PKD1L1: variants seen among roughly 807,000 people sequenced by gnomAD.
PKD1L1 encodes polycystin 1 like 1, transient receptor potential channel interacting.
In PKD1L1, 236 loss-of-function variants were observed where a neutral mutation model predicts 323.4. The observed-to-expected ratio is 0.73, with a 90% confidence interval of 0.66 to 0.81. PKD1L1 has a LOEUF of 0.81. Ranked by LOEUF, PKD1L1 falls within the 40% of genes least tolerant of loss-of-function variation. The pLI, the probability that PKD1L1 is intolerant of heterozygous loss-of-function variation, is 0.00. For synonymous variants in PKD1L1, 1,344 were observed against 1,335.0 expected (o/e 1.01, Z -0.15); for missense variants, 3,320 against 3,508.0 (o/e 0.95, Z 1.35).
At chr7:47,911,038 G>A (rs752846240) in intron 8 of PKD1L1, among the ~76,000 whole-genome samples, 19 of 152,156 alleles carry the variant, frequency 1.2e-4, no homozygotes, top group Middle Eastern at 3.4e-3. Context: ...GATATAGTTC[G>A]GATGTTTACC....
chr7:47,837,309 G>A (rs1000827472), intron 36 of PKD1L1, among the ~76,000 whole-genome samples: 4 of 152,168 alleles, frequency 2.6e-5, no homozygotes, highest in Non-Finnish European at 5.9e-5. Context: ...GGTTAGCTGG[G>A]TACTAGGTGG....
intron 24 of PKD1L1, among the ~76,000 whole-genome samples, chr7:47,866,841 A>T (rs558384987): frequency 1.4e-3 from 216 of 152,344 alleles, no homozygotes; most frequent in African/African-American, 4.8e-3. Flanking sequence ...GAACTAAAAA[A>T]GGCACAAGAA....
chr7:47,786,790 G>A (rs774486732), intron 56 of PKD1L1, among the ~76,000 whole-genome samples: 1 of 152,212 alleles, frequency 6.6e-6, no homozygotes, highest in African/African-American at 2.4e-5. Flanking sequence ...GCAAGAGCTC[G>A]GAGGTCCTTC....
In PKD1L1 at chr7:47,922,403, C is replaced by T. The variant is rs553614185; in HGVS notation, c.1060+6801G>A. Among the ~76,000 whole-genome samples, 205 of 152,044 alleles carry T rather than the reference C, an allele frequency of 1.3e-3. 1 individual carries two copies. Among genetic ancestry groups the T allele is most frequent in the African/African-American group, 4.7e-3 (195 of 41,486 alleles). ...CTGGGATGTGAGGAGCCCCTCTGCC[C>T]GCCACCCAGTCTGGGAAGTGAGGAG... is the stretch of plus-strand genomic sequence containing the variant. On this transcript the variant is annotated intron_variant, in intron 7 of 56. Coordinates refer to ENST00000289672, the MANE Select transcript of PKD1L1 (RefSeq NM_138295.5).
In PKD1L1 at chr7:47,830,042, T is replaced by C. The variant is rs1410865331; in HGVS notation, c.6556A>G (p.Met2186Val). 1 of 1,613,860 alleles carries C rather than the reference T, an allele frequency of 6.2e-7. No individual in the cohort carries two copies. The part of the protein sequence containing the change: ...VCCIFITQPL[M>V]VCLMALGFAW... ...CTACCATGGAGGGTGTTTCTTACCA[T>C]AAGTGGCTGGGTGATGAAAATACAG... Residue 2186 changes from methionine to valine, a missense_variant and splice_region_variant, in exon 43 of 57, where the codon ATG becomes GTG. Met to Val is a conservative substitution (Grantham distance 21, BLOSUM62 1). Transcript: ENST00000289672.
At chr7:47,957,692 T>G in the PKD1L1 span, among the ~76,000 whole-genome samples, 3 of 151,866 alleles carry the variant, frequency 2.0e-5, no homozygotes, top group Non-Finnish European at 2.9e-5. Context: ...GAAAGGGTTT[T>G]GCCATGTTGC....
At chr7:47,881,350 A>T (rs1159350146) in intron 20 of PKD1L1, among the ~76,000 whole-genome samples, 2 of 152,166 alleles carry the variant, frequency 1.3e-5, no homozygotes, top group South Asian at 4.1e-4. Context: ...CTAAAATTAC[A>T]ATCTTACAAT....
At chr7:47,937,028 T>G (rs1418785802) in intron 3 of PKD1L1, 70 bp from the exon 4 acceptor site, 5 of 1,220,576 alleles carry the variant, frequency 4.1e-6, no homozygotes, top group Non-Finnish European at 4.8e-6. Flanking sequence ...GGGAAAGTAA[T>G]ATTACTTCAT....
chr7:47,799,696 C>A (rs187984251), intron 54 of PKD1L1, among the ~76,000 whole-genome samples: 125 of 152,252 alleles, frequency 8.2e-4, no homozygotes, highest in African/African-American at 3.0e-3. Context: ...TAACGCTGAA[C>A]GAGTCACAGT....
chr7:47,882,821 T>G (rs1056659993), intron 19 of PKD1L1, among the ~76,000 whole-genome samples: 2 of 151,770 alleles, frequency 1.3e-5, no homozygotes, highest in African/African-American at 4.8e-5. Flanking sequence ...GTCAGGAGAG[T>G]AACAACAGCC....
At chr7:47,913,566 T>C (rs111841705) in intron 8 of PKD1L1, among the ~76,000 whole-genome samples, 5,969 of 152,174 alleles carry the variant, frequency 0.039, 166 homozygotes, top group Middle Eastern at 0.061. Context: ...TGAGTTCTCA[T>C]GAGATCTGGT....
intron 14 of PKD1L1, 57 bp from the exon 15 acceptor site, chr7:47,894,116 G>A: frequency 1.4e-6 from 2 of 1,442,438 alleles, no homozygotes; most frequent in Admixed American, 2.4e-5. Flanking sequence ...GGGACTCACT[G>A]GAGAAACACA....
At chr7:47,813,035 C>T in intron 49 of PKD1L1, 86 bp downstream of exon 49, 2 of 1,505,456 alleles carry the variant, frequency 1.3e-6, no homozygotes, top group Admixed American at 2.0e-5. Context: ...GCTGCACCTG[C>T]TGCAGATGCG....
At position 47,890,538 on chromosome 7, in the gene PKD1L1, G is replaced by A. The variant is rs143005953; in HGVS notation, c.2675+4C>T. On this transcript the variant is annotated splice_donor_region_variant and intron_variant, in intron 16 of 56. Coordinates refer to ENST00000289672, the MANE Select transcript of PKD1L1 (RefSeq NM_138295.5). ...TGAGCTGTGCTGAATACAGGGTCAG[G>A]TACCTGAACGCCGAGTCAGGGTAGG... 11,623 of 1,613,572 alleles carry A rather than the reference G, an allele frequency of 7.2e-3. 46 individuals are homozygous for A. Among genetic ancestry groups the A allele is most frequent in the Middle Eastern group, 0.012 (72 of 6,012 alleles).
At chr7:47,943,163 A>AAAAATAT (rs1554417311) in intron 2 of PKD1L1, among the ~76,000 whole-genome samples, 3 of 34,150 alleles carry the variant, frequency 8.8e-5, no homozygotes, top group Non-Finnish European at 1.7e-4. Flanking sequence ...AAAAAAAAAA[A>AAAAATAT]ATATATATAT....
chr7:47,845,164 G>C (rs1785639331), intron 32 of PKD1L1, 86 bp from the exon 33 acceptor site: 6 of 1,078,526 alleles, frequency 5.6e-6, no homozygotes, highest in Non-Finnish European at 8.0e-6. Context: ...AAAGGAATGA[G>C]AAAAGGAAGA....
intron 25 of PKD1L1, among the ~76,000 whole-genome samples, chr7:47,866,205 CT>C (rs1786165218): frequency 6.6e-6 from 1 of 152,216 alleles, no homozygotes; most frequent in African/African-American, 2.4e-5. Context: ...TGGTCATTCT[CT>C]CTTTTATAAA....
At chr7:47,848,473 A>C (rs1785711442) in intron 31 of PKD1L1, among the ~76,000 whole-genome samples, 1 of 152,206 alleles carries the variant, frequency 6.6e-6, no homozygotes, top group African/African-American at 2.4e-5. Flanking sequence ...GCATGGGCTT[A>C]TTTTCCCAAA....
chr7:47,952,828 A>C (rs566900467), upstream of PKD1L1, among the ~76,000 whole-genome samples: 1 of 152,318 alleles, frequency 6.6e-6, no homozygotes, highest in Admixed American at 6.5e-5. Context: ...CCTGGGACTA[A>C]AAGTAGGTAC....
Sources: allele counts gnomAD v4.1 joint callset (sites outside exome capture counted in the v4.1 genomes callset), GRCh38; gene constraint gnomAD v4.1.1; transcripts MANE v1.5; gene names NCBI Gene and HGNC (gene_info 2026-07-23, HGNC 2026-07-21).